FBXO11: variants seen among roughly 807,000 people sequenced by gnomAD.
FBXO11 encodes the protein F-box only protein 11.
A neutral mutation model predicts 117.0 loss-of-function variants in FBXO11; 13 were observed. The ratio of observed to expected loss-of-function variants is 0.11; its 90% CI spans 0.07 to 0.18. The LOEUF is 0.18. Among genes scored for constraint, FBXO11 ranks in the 10% least tolerant of loss-of-function variants. The probability of loss-of-function intolerance (pLI) is 1.00; values close to 1 mark genes in which losing one functional copy is unlikely to be tolerated. For synonymous variants in FBXO11, 490 were observed against 380.5 expected, an observed-to-expected ratio of 1.29 and a Z score of -3.35; for missense variants, 767 against 1,164.4, an observed-to-expected ratio of 0.66 and a Z score of 4.97.
At chr2:47,810,581 A>G (rs1340928548) in intron 18 of FBXO11, 155 bp from the exon 19 acceptor site, 1 of 540,650 alleles carries the variant, frequency 1.8e-6, no homozygotes. Flanking sequence ...TTAGCAATTC[A>G]GAGGTATTAA....
At chr2:47,864,945 G>C (rs1675081785) in intron 1 of FBXO11, among the ~76,000 whole-genome samples, 2 of 152,206 alleles carry the variant, frequency 1.3e-5, no homozygotes, top group Admixed American at 1.3e-4. Flanking sequence ...CACTTGACAA[G>C]ACTTTCATTC....
intron 1 of FBXO11, among the ~76,000 whole-genome samples, chr2:47,845,781 C>G (rs544913406): frequency 6.6e-6 from 1 of 152,104 alleles, no homozygotes; most frequent in Non-Finnish European, 1.5e-5. Context: ...CCAATCAGTA[C>G]TCAATAAATA....
chr2:47,809,288 G>T (rs1008853340), intron 20 of FBXO11, 22 bp from the exon 21 acceptor site: 1 of 1,419,764 alleles, frequency 7.0e-7, no homozygotes, highest in African/African-American at 1.4e-5. Context: ...GAAAGAATAA[G>T]TAAAAATTCA....
At chr2:47,841,151 T>C (rs1025687661) in intron 1 of FBXO11, among the ~76,000 whole-genome samples, 4 of 151,948 alleles carry the variant, frequency 2.6e-5, no homozygotes, top group Non-Finnish European at 4.4e-5. Context: ...TGAGCCGAGA[T>C]CATGCCACTG....
At chr2:47,871,935 T>C (rs1026182103) in intron 1 of FBXO11, among the ~76,000 whole-genome samples, 8 of 152,256 alleles carry the variant, frequency 5.3e-5, no homozygotes, top group African/African-American at 9.6e-5. Context: ...TATATTTTGA[T>C]GTTTTTAATT....
chr2:47,841,241 C>G (rs1672990346), intron 1 of FBXO11, among the ~76,000 whole-genome samples: 1 of 152,080 alleles, frequency 6.6e-6, no homozygotes, highest in Non-Finnish European at 1.5e-5. Context: ...TAAATAACAC[C>G]AAATAAGCAA....
intron 1 of FBXO11, among the ~76,000 whole-genome samples, chr2:47,862,061 C>A (rs1023445056): frequency 6.6e-6 from 1 of 151,978 alleles, no homozygotes; most frequent in African/African-American, 2.4e-5. Flanking sequence ...TACGGGCGCA[C>A]GCTACCATGC....
chr2:47,840,387 T>G (rs1019221970), intron 1 of FBXO11, among the ~76,000 whole-genome samples: 13 of 151,606 alleles, frequency 8.6e-5, no homozygotes, highest in African/African-American at 3.2e-4. Flanking sequence ...AACGGCTCAA[T>G]ATAGTGCATG....
At chr2:47,845,835 G>C (rs909538018) in intron 1 of FBXO11, among the ~76,000 whole-genome samples, 2 of 151,668 alleles carry the variant, frequency 1.3e-5, no homozygotes, top group African/African-American at 4.8e-5. Flanking sequence ...ACTCAATTCA[G>C]GGAGTTCTTC....
At chr2:47,905,443 C>A in intron 1 of FBXO11, 46 bp downstream of exon 1, 1 of 1,199,966 alleles carries the variant, frequency 8.3e-7, no homozygotes, top group Non-Finnish European at 1.0e-6. Flanking sequence ...CCTCCCTTCC[C>A]GCGGTGCCCG....
chr2:47,900,292 T>C (rs536718902), intron 1 of FBXO11, among the ~76,000 whole-genome samples: 1 of 152,178 alleles, frequency 6.6e-6, no homozygotes, highest in East Asian at 1.9e-4. Context: ...TGGGATACAT[T>C]TGGAAGGGTT....
At chr2:47,872,513 G>A (rs1021666771) in intron 1 of FBXO11, among the ~76,000 whole-genome samples, 3 of 152,090 alleles carry the variant, frequency 2.0e-5, no homozygotes, top group Non-Finnish European at 2.9e-5. Flanking sequence ...TAGGAGAGAC[G>A]GGGTTTCACC....
intron 1 of FBXO11, among the ~76,000 whole-genome samples, chr2:47,867,916 G>C (rs2103803333): frequency 6.6e-6 from 1 of 152,208 alleles, no homozygotes; most frequent in Non-Finnish European, 1.5e-5. Context: ...CCAATAATTA[G>C]AAACAACAAT....
At chr2:47,834,389 T>C (rs1210155333) in intron 7 of FBXO11, among the ~76,000 whole-genome samples, 190 bp downstream of exon 7, 4 of 152,096 alleles carry the variant, frequency 2.6e-5, no homozygotes, top group Non-Finnish European at 4.4e-5. Flanking sequence ...GGAGAAAGAA[T>C]TTATATACAG....
chr2:47,887,069 C>T (rs1383761362), intron 1 of FBXO11, among the ~76,000 whole-genome samples: 1 of 151,644 alleles, frequency 6.6e-6, no homozygotes, highest in Admixed American at 6.6e-5. Context: ...GCAGATCATC[C>T]GAGATTGGGA....
chr2:47,817,368 T>C (rs1671077019), intron 16 of FBXO11, among the ~76,000 whole-genome samples: 1 of 152,246 alleles, frequency 6.6e-6, no homozygotes, highest in Non-Finnish European at 1.5e-5. Context: ...TTCTCCATAT[T>C]AGCATAAGTC....
chr2:47,900,479 A>G (rs1678025923), intron 1 of FBXO11, among the ~76,000 whole-genome samples: 1 of 151,950 alleles, frequency 6.6e-6, no homozygotes. Context: ...AACAGCAAGG[A>G]GTGTCTCCTG....
intron 1 of FBXO11, among the ~76,000 whole-genome samples, chr2:47,902,533 G>A (rs1034384862): frequency 2.6e-5 from 4 of 151,968 alleles, no homozygotes; most frequent in South Asian, 4.2e-4. Context: ...CACACATAAT[G>A]TATGTACAAA....
In FBXO11 at chr2:47,831,037, G is replaced by A. The variant is rs183373675; in HGVS notation, c.1398+1312C>T. 1.4e-3 allele frequency among the ~76,000 whole-genome samples: 210 copies of A among 151,874 alleles called. 2 individuals are homozygous for A. In the East Asian group the frequency reaches 0.021, roughly 15 times the overall value. Reference sequence around the variant, plus strand: ...TGGTTTTGAACTCCTGAGCCCAAGCGATCCAACTGCCTTGGCCTCCCAAAG... The same window carrying A: ...TGGTTTTGAACTCCTGAGCCCAAGCAATCCAACTGCCTTGGCCTCCCAAAG... On this transcript the variant is annotated intron_variant, in intron 11 of 22. Transcript: ENST00000403359.
Sources: allele counts gnomAD v4.1 joint callset (sites outside exome capture counted in the v4.1 genomes callset), GRCh38; gene constraint gnomAD v4.1.1; transcripts MANE v1.5; gene names NCBI Gene and HGNC (gene_info 2026-07-23, HGNC 2026-07-21).